The following ZNF30 variants were observed in gnomAD, a reference collection of about 807,000 sequenced individuals.
ZNF30 encodes zinc finger protein 30 (KOX 28).
ZNF30 carries 15 observed loss-of-function variants against 13.2 expected under a neutral mutation model. The observed-to-expected ratio is 1.13, with a 90% CI of 0.76 to 1.75. The LOEUF is 1.75. Among genes scored for constraint, ZNF30 ranks in the 40% most tolerant of loss-of-function variants. ZNF30 has a pLI of 0.00. For synonymous variants in ZNF30, 223 were observed against 256.6 expected (o/e 0.87, Z 1.25); for missense variants, 726 against 757.0 (o/e 0.96, Z 0.48).
rs1339449485 is a variant in ZNF30 at position 34,944,653 on chromosome 19, A to G, written c.1687A>G (p.Thr563Ala). 6.2e-7 allele frequency: 1 copy of G among 1,612,532 alleles called. No homozygotes were observed. Among genetic ancestry groups the G allele is most frequent in the East Asian group, 2.2e-5 (1 of 44,814 alleles). The change falls in exon 5 of 5, where the codon ACT (threonine) becomes GCT (alanine). Residue 563 changes from threonine to alanine, a missense_variant. Thr to Ala is a moderately conservative substitution (Grantham distance 58, BLOSUM62 0). Coordinates refer to ENST00000601142, the MANE Select transcript of ZNF30 (RefSeq NM_194325.3). ...ACTTATTGGACATCAGAGTGTTCAC[A>G]CTGGTGAGAAACCTTTTGAATGTAA... ...GQLIGHQSVH[T>A]GEKPFECKEC... is the part of the protein sequence containing the mutation.
At position 34,944,769 on chromosome 19, in the gene ZNF30, T is replaced by G. The variant is rs761677215; in HGVS notation, c.1803T>G (p.Cys601Trp). The part of the protein sequence containing the change: ...TGEKPFKCKK[C>W]GKTFRYSSAL... ...AGAAACCCTTTAAATGCAAAAAATGTGGGAAGACCTTTAGATACAGTTCAG... is the reference window on the plus strand; with the variant it reads ...AGAAACCCTTTAAATGCAAAAAATGGGGGAAGACCTTTAGATACAGTTCAG... The change falls in exon 5 of 5, where the codon TGT becomes TGG. Residue 601 changes from cysteine (C) to tryptophan (W), a missense_variant. Coordinates refer to ENST00000601142, the MANE Select transcript of ZNF30 (RefSeq NM_194325.3). The G allele has an allele frequency of 8.7e-5, 141 of 1,613,626 alleles. No homozygotes were observed. The highest frequency in any genetic ancestry group is 1.1e-4 in the Non-Finnish European group (132 of 1,179,786).
intron 4 of ZNF30, among the ~76,000 whole-genome samples, chr19:34,941,153 C>T (rs901650783): frequency 1.3e-5 from 2 of 152,158 alleles, no homozygotes; most frequent in Non-Finnish European, 2.9e-5. Context: ...ATCGGGATTA[C>T]AATGCTAATA....
chr19:34,940,426 G>C (rs2012982957), intron 4 of ZNF30, among the ~76,000 whole-genome samples: 1 of 152,104 alleles, frequency 6.6e-6, no homozygotes, highest in Non-Finnish European at 1.5e-5. Flanking sequence ...CCAGCACCTT[G>C]GGAGGTCGAG....
chr19:34,930,070 C>T, intron 2 of ZNF30, 114 bp downstream of exon 2: 1 of 1,042,552 alleles, frequency 9.6e-7, no homozygotes, highest in Non-Finnish European at 1.4e-6. Context: ...CTACTTGATT[C>T]CTTCTGTTTG....
At chr19:34,936,821 A>G (rs1194166693) in intron 4 of ZNF30, among the ~76,000 whole-genome samples, 2 of 152,072 alleles carry the variant, frequency 1.3e-5, no homozygotes, top group African/African-American at 2.4e-5. Context: ...GCTTGAGCCC[A>G]GGAAGTCAAG....
intron 4 of ZNF30, chr19:34,942,606 C>T: frequency 7.8e-7 from 1 of 1,287,370 alleles, no homozygotes. Flanking sequence ...TAAGAAAGCT[C>T]CAGTCTACAA....
At chr19:34,929,803 G>A (rs1372102486) in intron 1 of ZNF30, 81 bp from the exon 2 acceptor site, 1 of 740,290 alleles carries the variant, frequency 1.4e-6, no homozygotes, top group African/African-American at 1.9e-5. Flanking sequence ...TTTGGAAGCT[G>A]AAATGAAGGG....
intron 1 of ZNF30, 80 bp downstream of exon 1, chr19:34,927,296 G>A (rs1397979564): frequency 5.9e-6 from 2 of 337,234 alleles, no homozygotes; most frequent in Non-Finnish European, 1.1e-5. Flanking sequence ...CGTCGGCCGG[G>A]GCCGGTGTGC....
chr19:34,930,062 A>G (rs2651123), intron 2 of ZNF30, 106 bp downstream of exon 2: 393,341 of 1,108,754 alleles, frequency 0.35, 74,280 homozygotes, highest in African/African-American at 0.64. Flanking sequence ...CTAATTGCCT[A>G]CTTGATTCCT....
chr19:34,929,810 A>G, intron 1 of ZNF30, 74 bp from the exon 2 acceptor site: 1 of 756,756 alleles, frequency 1.3e-6, no homozygotes, highest in Non-Finnish European at 2.1e-6. Flanking sequence ...GCTGAAATGA[A>G]GGGACAGGAA....
rs774159433 is a variant in ZNF30, at chr19:34,944,748, AC to A, written c.1785del (p.Phe596LeufsTer20). On this transcript the variant is annotated frameshift_variant, in exon 5 of 5. Coordinates refer to ENST00000601142, the MANE Select transcript of ZNF30 (RefSeq NM_194325.3). LOFTEE classifies it high-confidence loss of function. ...EHQRVHTGEK[P>X]FKCKKCGKTF... is the part of the protein sequence containing the mutation. ...ATCAGCGGGTACACACTGGTGAGAAACCCTTTAAATGCAAAAAATGTGGGAA... is the reference window on the plus strand; with the variant it reads ...ATCAGCGGGTACACACTGGTGAGAAACCTTTAAATGCAAAAAATGTGGGAA... 6.2e-7 allele frequency: 1 copy of A among 1,613,940 alleles called. No individual in the cohort carries two copies. The highest frequency in any genetic ancestry group is 2.2e-5 in the East Asian group (1 of 44,880).
At chr19:34,934,957 C>T (rs968251207) in intron 4 of ZNF30, among the ~76,000 whole-genome samples, 35 of 152,192 alleles carry the variant, frequency 2.3e-4, no homozygotes, top group African/African-American at 7.9e-4. Context: ...AGGCCGGGCG[C>T]GGTGGCTCAC....
At position 34,928,649 on chromosome 19, in the gene ZNF30, A is replaced by G. The variant is rs555605951; in HGVS notation, c.-64-1235A>G. On this transcript the variant is annotated intron_variant, in intron 1 of 4. Coordinates refer to ENST00000601142, the MANE Select transcript of ZNF30 (RefSeq NM_194325.3). Reference sequence around the variant, plus strand: ...GGAGTTCGAGACCAGCCTGGCCAACATGGTGAAACCCTGTCTCTAGTAAAA... The same window carrying G: ...GGAGTTCGAGACCAGCCTGGCCAACGTGGTGAAACCCTGTCTCTAGTAAAA... 7.2e-5 allele frequency among the ~76,000 whole-genome samples: 11 copies of G among 152,090 alleles called. No individual in the cohort carries two copies. In the East Asian group the frequency reaches 1.2e-3, roughly 16 times the overall value.
rs755232663 is a variant in ZNF30, at chr19:34,943,631, A to AT, written c.666dup (p.Lys223Ter). ...AGTGGTAGCTATCAACTTACAGTACATAAGAGTATTCATACTGGGAAGAAA... is the reference window on the plus strand; with the variant it reads ...AGTGGTAGCTATCAACTTACAGTACATTAAGAGTATTCATACTGGGAAGAAA... On this transcript the variant is annotated frameshift_variant, in exon 5 of 5. Transcript: ENST00000601142. LOFTEE classifies it low-confidence loss of function (END_TRUNC). 5.0e-6 allele frequency: 8 copies of AT among 1,613,704 alleles called. No individual in the cohort carries two copies. In the African/African-American group the frequency reaches 9.3e-5, roughly 19 times the overall value.
chr19:34,939,883 A>T (rs2012946218), intron 4 of ZNF30, among the ~76,000 whole-genome samples: 1 of 152,256 alleles, frequency 6.6e-6, no homozygotes, highest in Admixed American at 6.5e-5. Context: ...CAGGAAATTT[A>T]TTCTTACACA....
rs376886980 is a variant in ZNF30, at chr19:34,933,203, C to T, written c.161-425C>T. 2.0e-5 allele frequency among the ~76,000 whole-genome samples: 3 copies of T among 152,122 alleles called. No homozygotes were observed. In the East Asian group the frequency reaches 5.8e-4, roughly 30 times the overall value. ...GGGTGTGGTGGTTCATGCCTGTAAT[C>T]CCAGCACTTTGGGAGGCCAAGGTGG... is the stretch of plus-strand genomic sequence containing the variant. On this transcript the variant is annotated intron_variant, in intron 3 of 4. Transcript: ENST00000601142.
chr19:34,944,069 A>C lies in ZNF30; in HGVS notation c.1103A>C (p.Glu368Ala). The C allele has an allele frequency of 6.2e-7, 1 of 1,613,592 alleles. No homozygotes were observed. Among genetic ancestry groups the C allele is most frequent in the Non-Finnish European group, 8.5e-7 (1 of 1,179,696 alleles). The change falls in exon 5 of 5, where the codon GAG (glutamate) becomes GCG (alanine). Residue 368 changes from glutamate to alanine, a missense_variant. Physicochemically the swap from Glu to Ala is moderately radical, Grantham distance 107 (BLOSUM62 -1). Coordinates refer to ENST00000601142, the MANE Select transcript of ZNF30 (RefSeq NM_194325.3). Reference sequence around the variant, plus strand: ...CATGCACATCAGCGAATTCATGCAGAGATAAAGCCCTACGGATGCAAGGAA... The same window carrying C: ...CATGCACATCAGCGAATTCATGCAGCGATAAAGCCCTACGGATGCAAGGAA... ...FLHAHQRIHAEIKPYGCKECG... is the reference protein window; with the variant it reads ...FLHAHQRIHAAIKPYGCKECG...
At chr19:34,924,562 T>C (rs1006241614), upstream of ZNF30, among the ~76,000 whole-genome samples, 1 of 152,210 alleles carries the variant, frequency 6.6e-6, no homozygotes, top group Non-Finnish European at 1.5e-5. Context: ...GGGGACTAGA[T>C]GAGTCCTTAT....
chr19:34,928,252 T>TAG (rs1555778330), intron 1 of ZNF30, among the ~76,000 whole-genome samples: 986 of 56,288 alleles, frequency 0.018, 8 homozygotes, highest in South Asian at 0.03. Flanking sequence ...TATATATATA[T>TAG]ATAGATAGAT....
Sources: allele counts gnomAD v4.1 joint callset (sites outside exome capture counted in the v4.1 genomes callset), GRCh38; gene constraint gnomAD v4.1.1; transcripts MANE v1.5; gene names NCBI Gene and HGNC (gene_info 2026-07-23, HGNC 2026-07-21).